Variants in CSF2RA observed in about 807,000 individuals in gnomAD.
CSF2RA encodes the protein colony stimulating factor 2 receptor subunit alpha.
A neutral mutation model predicts 51.6 loss-of-function variants in CSF2RA; 42 were observed. The ratio of observed to expected loss-of-function variants is 0.81; its 90% confidence interval spans 0.64 to 1.05. The LOEUF (loss-of-function observed/expected upper bound fraction) is 1.05. CSF2RA is among the 50% of genes least tolerant of loss of function. The probability of loss-of-function intolerance (pLI) is 0.00; values close to 1 mark genes in which losing one functional copy is unlikely to be tolerated. For synonymous variants in CSF2RA, 222 were observed against 193.0 expected, an observed-to-expected ratio of 1.15 and a Z score of -1.24; for missense variants, 530 against 501.1, an observed-to-expected ratio of 1.06 and a Z score of -0.55.
downstream of CSF2RA, among the ~76,000 whole-genome samples, chrX:1,312,579 T>G (rs1460100775): frequency 2.6e-5 from 4 of 152,142 alleles, no homozygotes; most frequent in Non-Finnish European, 5.9e-5. Flanking sequence ...CATGGCCATA[T>G]TTACGGGACA....
the CSF2RA span, among the ~76,000 whole-genome samples, chrX:1,316,424 G>A: frequency 9.3e-4 from 141 of 152,164 alleles, 1 homozygote; most frequent in East Asian, 0.026. Context: ...ATTGTTAGAC[G>A]GTGAACCATC....
intron 12 of CSF2RA, among the ~76,000 whole-genome samples, chrX:1,306,630 G>C (rs1259809707): frequency 6.6e-6 from 1 of 151,878 alleles, no homozygotes; most frequent in African/African-American, 2.4e-5. Flanking sequence ...CTGGGCAACA[G>C]AGCAAAACTC....
intron 10 of CSF2RA, among the ~76,000 whole-genome samples, chrX:1,301,265 G>C (rs187389653): frequency 0.03 from 4,478 of 147,140 alleles, 124 homozygotes; most frequent in African/African-American, 0.072. Flanking sequence ...CCGGGAGGTG[G>C]AGGTTGCAGT....
At chrX:1,287,431 T>G (rs866749302) in intron 4 of CSF2RA, among the ~76,000 whole-genome samples, 7 of 150,272 alleles carry the variant, frequency 4.7e-5, no homozygotes, top group Non-Finnish European at 4.4e-5. Flanking sequence ...GCATTACAGG[T>G]GTGAGCCACC....
At chrX:1,269,523 T>C (rs1174470070) in intron 1 of CSF2RA, among the ~76,000 whole-genome samples, 1 of 151,618 alleles carries the variant, frequency 6.6e-6, no homozygotes, top group African/African-American at 2.4e-5. Context: ...CTCAGGAGGC[T>C]GAGGCAGGAG....
At chrX:1,314,076 A>T (rs1434374072), downstream of CSF2RA, among the ~76,000 whole-genome samples, 2 of 151,878 alleles carry the variant, frequency 1.3e-5, no homozygotes, top group African/African-American at 4.9e-5. Context: ...AGGGCCTAGG[A>T]TGACTGAGGC....
chrX:1,289,867 G>C (rs1235316909), intron 6 of CSF2RA, among the ~76,000 whole-genome samples: 1 of 79,990 alleles, frequency 1.3e-5, no homozygotes, highest in African/African-American at 4.4e-5. Context: ...TTTTTGTTTT[G>C]TGTTTTGTGT....
chrX:1,311,125 T>C (rs111239872), downstream of CSF2RA, among the ~76,000 whole-genome samples: 2 of 151,710 alleles, frequency 1.3e-5, no homozygotes, highest in South Asian at 2.1e-4. Context: ...GGCGGCCACC[T>C]GTAGTCCCAG....
chrX:1,281,189 TCTCCTCCTTCTCCTA>T (rs1256606879), intron 2 of CSF2RA, among the ~76,000 whole-genome samples: 7,842 of 81,276 alleles, frequency 0.096, 507 homozygotes, highest in Non-Finnish European at 0.13. Context: ...TCCTTCTCCT[TCTCCTCCTTCTCCTA>T]CTCCTCCTTC....
intron 8 of CSF2RA, 135 bp from the exon 9 acceptor site, chrX:1,295,292 G>C: frequency 9.2e-7 from 1 of 1,091,942 alleles, no homozygotes; most frequent in South Asian, 1.2e-5. Flanking sequence ...GGTTTGTGGA[G>C]GGAGACCTGC....
At chrX:1,274,718 T>C (rs1436557678) in intron 1 of CSF2RA, 37 bp from the exon 2 acceptor site, 1 of 452,692 alleles carries the variant, frequency 2.2e-6, no homozygotes, top group Non-Finnish European at 4.4e-6. Flanking sequence ...TAACCTTTCA[T>C]GATTTTGGGG....
rs1438648326 is a variant in CSF2RA at position 1,274,765 on chromosome X, GA to G, written c.-76del. On this transcript the variant is annotated 5_prime_UTR_variant, in exon 2 of 13. It removes the in-frame stop codon of an upstream open reading frame in the 5' UTR. Coordinates refer to ENST00000381529, the MANE Select transcript of CSF2RA (RefSeq NM_172245.4). ...ATTTACCTTTCACAGTTTACAGCAG[GA>G]AAATCCGTGGAGACAGCAGATCCGA... 1 of 453,270 alleles carries G rather than the reference GA, an allele frequency of 2.2e-6. No individual in the cohort carries two copies. 28.1% of individuals were successfully genotyped at this position (453,270 alleles called of 1,614,324 possible).
chrX:1,288,918 G>C, intron 6 of CSF2RA, 30 bp downstream of exon 6: 5 of 1,613,360 alleles, frequency 3.1e-6, no homozygotes, highest in Non-Finnish European at 2.5e-6. Context: ...GAAGAATTAT[G>C]AGGAATGCAG....
chrX:1,319,603 G>C, the CSF2RA span, among the ~76,000 whole-genome samples: 2 of 149,576 alleles, frequency 1.3e-5, no homozygotes, highest in African/African-American at 4.9e-5. Flanking sequence ...TTTTTGTAGA[G>C]ATGGAATCTC....
At chrX:1,268,969 A>G (rs2087965641) in intron 1 of CSF2RA, 90 bp downstream of exon 1, 1 of 442,668 alleles carries the variant, frequency 2.3e-6, no homozygotes, top group African/African-American at 2.0e-5. Context: ...GAAAAGAAAG[A>G]GACTGAACTG....
intron 4 of CSF2RA, chrX:1,287,036 A>G (rs1453936034): frequency 1.3e-5 from 2 of 151,774 alleles, no homozygotes; most frequent in Non-Finnish European, 2.9e-5. Flanking sequence ...GTGATAGATG[A>G]TTTATTGACT....
At chrX:1,322,215 C>T in the CSF2RA span, among the ~76,000 whole-genome samples, 1 of 151,700 alleles carries the variant, frequency 6.6e-6, no homozygotes, top group African/African-American at 2.4e-5. Context: ...AAGTGATTCT[C>T]CTGTCTCAGC....
chrX:1,321,195 C>T, the CSF2RA span, among the ~76,000 whole-genome samples: 2 of 151,974 alleles, frequency 1.3e-5, no homozygotes, highest in Non-Finnish European at 2.9e-5. Flanking sequence ...AGAGGCCGGG[C>T]ACGGTGGCTC....
At position 1,285,924 on chromosome X, in the gene CSF2RA, A is replaced by G. The variant is rs1427120934; in HGVS notation, c.219+4A>G. 1 of 1,613,864 alleles carries G rather than the reference A, an allele frequency of 6.2e-7. No homozygotes were observed. Among genetic ancestry groups the G allele is most frequent in the South Asian group, 1.1e-5 (1 of 91,078 alleles). On this transcript the variant is annotated splice_donor_region_variant and intron_variant, in intron 4 of 12. Coordinates refer to ENST00000381529, the MANE Select transcript of CSF2RA (RefSeq NM_172245.4). Reference sequence around the variant, plus strand: ...GAACAGAGTCGTGGAACCCAGGGTGAGACGAATTTCCCATTCTCAACCCCT... The same window carrying G: ...GAACAGAGTCGTGGAACCCAGGGTGGGACGAATTTCCCATTCTCAACCCCT...
Sources: allele counts gnomAD v4.1 joint callset (sites outside exome capture counted in the v4.1 genomes callset), GRCh38; gene constraint gnomAD v4.1.1; transcripts MANE v1.5; gene names NCBI Gene and HGNC (gene_info 2026-07-23, HGNC 2026-07-21).